APC: variants seen among roughly 807,000 people sequenced by gnomAD.
The protein encoded by APC is adenomatous polyposis coli protein.
In APC, 72 loss-of-function variants were observed where a neutral mutation model predicts 247.0. The observed-to-expected ratio is 0.29, with a 90% CI of 0.24 to 0.35. The LOEUF (loss-of-function observed/expected upper bound fraction) is 0.35, where lower values mean the gene tolerates loss of function less well. Among genes scored for constraint, APC ranks in the 10% least tolerant of loss-of-function variants. The pLI is 1.00. For synonymous variants in APC, 1,254 were observed against 1,162.5 expected, an observed-to-expected ratio of 1.08 and a Z score of -1.60; for missense variants, 3,400 against 3,360.7, an observed-to-expected ratio of 1.01 and a Z score of -0.29.
At position 112,760,826 on chromosome 5, in the gene APC, T is replaced by C. The variant is rs77636537; in HGVS notation, c.136-5500T>C. On this transcript the variant is annotated intron_variant, in intron 2 of 15. Transcript: ENST00000257430. ...GGTCTCAATCCATTTTTTTTTTTTT[T>C]CAAGACAGAGTCTCGCTCTGTCGCC... Among the ~76,000 whole-genome samples, 2 of 151,584 alleles carry C rather than the reference T, an allele frequency of 1.3e-5. No homozygotes were observed. Among genetic ancestry groups the C allele is most frequent in the African/African-American group, 2.4e-5 (1 of 40,992 alleles).
chr5:112,817,885 C>T (rs1247748939), intron 9 of APC, among the ~76,000 whole-genome samples: 3 of 152,178 alleles, frequency 2.0e-5, no homozygotes, highest in Non-Finnish European at 4.4e-5. Flanking sequence ...TTGAACCTAG[C>T]TCCGATGAAA....
In APC at chr5:112,840,253, A is replaced by G; in HGVS notation, c.4659A>G (p.Ala1553=). 6.2e-7 allele frequency: 1 copy of G among 1,614,228 alleles called. No homozygotes were observed. The highest frequency in any genetic ancestry group is 8.5e-7 in the Non-Finnish European group (1 of 1,180,034). Residue 1553 remains alanine (A), a synonymous_variant, in exon 16 of 16, where the codon GCA becomes GCG. Transcript: ENST00000257430. The surrounding 1 kb of genome is among the most constrained non-coding windows in gnomAD (Gnocchi z 4.1). ...KESNENQEKE[A]EKTIDSEKDL... ...CAAATGAAAACCAAGAGAAAGAGGC[A>G]GAAAAAACTATTGATTCTGAAAAGG...
At chr5:112,723,004 A>G (rs1264401640) in intron 1 of APC, among the ~76,000 whole-genome samples, 1 of 152,106 alleles carries the variant, frequency 6.6e-6, no homozygotes, top group Non-Finnish European at 1.5e-5. Flanking sequence ...CTTCTTTGAT[A>G]TGGGGACAGG....
chr5:112,833,495 T>C (rs1175989873), intron 14 of APC, among the ~76,000 whole-genome samples: 1 of 152,100 alleles, frequency 6.6e-6, no homozygotes, highest in Non-Finnish European at 1.5e-5. Context: ...GGCTACTTTT[T>C]ATATTTTTTG....
At chr5:112,741,970 G>T (rs1029200585) in intron 1 of APC, among the ~76,000 whole-genome samples, 1 of 152,056 alleles carries the variant, frequency 6.6e-6, no homozygotes, top group African/African-American at 2.4e-5. Context: ...TCCTTTTTAG[G>T]TCTAAATGAT....
At chr5:112,726,753 A>C (rs1751804361) in intron 1 of APC, among the ~76,000 whole-genome samples, 1 of 152,096 alleles carries the variant, frequency 6.6e-6, no homozygotes, top group South Asian at 2.1e-4. Context: ...CCAATTCTTA[A>C]ACCTTTCTGC....
intron 8 of APC, among the ~76,000 whole-genome samples, chr5:112,805,448 A>G (rs1761275543): frequency 6.6e-6 from 1 of 152,218 alleles, no homozygotes; most frequent in African/African-American, 2.4e-5. Flanking sequence ...AGAGGTAAAC[A>G]TAAGTATGTT....
chr5:112,758,892 C>T (rs6864079), intron 2 of APC, among the ~76,000 whole-genome samples: 53 of 152,220 alleles, frequency 3.5e-4, no homozygotes, highest in African/African-American at 9.6e-4. Context: ...CATGAGTCAC[C>T]GCACCCAGCC....
chr5:112,724,577 G>T (rs957665280), intron 1 of APC, among the ~76,000 whole-genome samples: 37 of 148,540 alleles, frequency 2.5e-4, no homozygotes, highest in Non-Finnish European at 4.5e-5. Flanking sequence ...TGAGATAGTT[G>T]GTAAGCACAG....
intron 1 of APC, among the ~76,000 whole-genome samples, chr5:112,753,196 C>T (rs1300418746): frequency 1.3e-5 from 2 of 152,068 alleles, no homozygotes; most frequent in East Asian, 1.9e-4. Flanking sequence ...TATTTTCAGA[C>T]CTGCTTATTA....
chr5:112,784,709 T>G (rs1758750428), intron 6 of APC, among the ~76,000 whole-genome samples: 1 of 152,084 alleles, frequency 6.6e-6, no homozygotes. Context: ...GGTCTGAGGC[T>G]ATGAGAAAAA....
In APC at chr5:112,841,177, T is replaced by C. The variant is rs1765985057; in HGVS notation, c.5583T>C (p.Ser1861=). The C allele has an allele frequency of 1.9e-6, 3 of 1,614,000 alleles. No individual in the cohort carries two copies. The highest frequency in any genetic ancestry group is 2.5e-6 in the Non-Finnish European group (3 of 1,179,896). ...GTPYCFSRND[S]LSSLDFDDDD... ...CTTACTGTTTTTCACGAAATGATTC[T>C]TTGAGTTCTCTAGATTTTGATGATG... Residue 1861 remains serine, a synonymous_variant, in exon 16 of 16, where the codon TCT becomes TCC. Coordinates refer to ENST00000257430, the MANE Select transcript of APC (RefSeq NM_000038.6). The surrounding 1 kb of genome is among the most constrained non-coding windows in gnomAD (Gnocchi z 4.6).
intron 1 of APC, among the ~76,000 whole-genome samples, chr5:112,713,928 G>A (rs1315999594): frequency 2.0e-5 from 3 of 152,182 alleles, no homozygotes; most frequent in African/African-American, 7.2e-5. Flanking sequence ...AAAGTGCTGG[G>A]ATTATAGGCG....
At chr5:112,763,604 T>C (rs1236644521) in intron 2 of APC, among the ~76,000 whole-genome samples, 1 of 152,214 alleles carries the variant, frequency 6.6e-6, no homozygotes, top group African/African-American at 2.4e-5. Context: ...TGTCCAATGA[T>C]GTACGAAGGA....
chr5:112,817,504 T>C (rs1375807927), intron 9 of APC, among the ~76,000 whole-genome samples: 1 of 152,162 alleles, frequency 6.6e-6, no homozygotes, highest in Non-Finnish European at 1.5e-5. Flanking sequence ...CATATTTCTC[T>C]AAATGAGAAA....
rs1756299058 is a variant in APC, at chr5:112,766,216, TG to T, written c.136-109del. ...GGTAATATATATAAGGTGCGTGCTT[TG>T]AGAGTGATCTGAATTTTTTTCTCAG... On this transcript the variant is annotated intron_variant, in intron 2 of 15. Coordinates refer to ENST00000257430, the MANE Select transcript of APC (RefSeq NM_000038.6). 3 of 751,542 alleles carry T rather than the reference TG, an allele frequency of 4.0e-6. No homozygotes were observed. In the South Asian group the frequency reaches 4.5e-5, roughly 11 times the overall value. 46.6% of individuals were successfully genotyped at this position (751,542 alleles called of 1,614,324 possible).
At chr5:112,768,913 T>G (rs1257302997) in intron 4 of APC, among the ~76,000 whole-genome samples, 2 of 152,144 alleles carry the variant, frequency 1.3e-5, no homozygotes, top group East Asian at 3.8e-4. Flanking sequence ...ACACTAGAAC[T>G]TATTCCTCCT....
At chr5:112,808,154 C>T (rs7712303) in intron 8 of APC, among the ~76,000 whole-genome samples, 8,231 of 151,616 alleles carry the variant, frequency 0.054, 413 homozygotes, top group East Asian at 0.14. Flanking sequence ...GACTCTGCCT[C>T]AAAAAAATAA....
rs141945108 is a variant in APC, at chr5:112,804,335, G to C, written c.834+2952G>C. ...TATGCCAGCCAACTAATATGTACCT[G>C]GCAGAGAGCATTTATGTTGAATATT... On this transcript the variant is annotated intron_variant, in intron 8 of 15. Transcript: ENST00000257430. Among the ~76,000 whole-genome samples the C allele has an allele frequency of 4.1e-4, 63 of 152,192 alleles. No homozygotes were observed. The East Asian group carries it at 0.012, about 28-fold the overall frequency.
Sources: allele counts gnomAD v4.1 joint callset (sites outside exome capture counted in the v4.1 genomes callset), GRCh38; gene constraint gnomAD v4.1.1; non-coding constraint Gnocchi (gnomAD v3.1); transcripts MANE v1.5; gene names NCBI Gene and HGNC (gene_info 2026-07-23, HGNC 2026-07-21).